Variants in FBN2 observed in about 807,000 individuals in gnomAD.
FBN2 encodes the protein fibrillin 2.
FBN2 carries 105 observed loss-of-function variants against 355.6 expected under a neutral mutation model. That is an observed-to-expected ratio of 0.30 (90% CI 0.25 to 0.35). The LOEUF (loss-of-function observed/expected upper bound fraction) is 0.35. FBN2 is among the 10% of genes least tolerant of loss of function. The probability of loss-of-function intolerance (pLI) is 1.00; values close to 1 mark genes in which losing one functional copy is unlikely to be tolerated. For missense variants in FBN2, 3,280 were observed against 3,758.7 expected (o/e 0.87, Z 3.33); for synonymous variants, 1,350 against 1,301.2 (o/e 1.04, Z -0.81).
intron 7 of FBN2, among the ~76,000 whole-genome samples, chr5:128,411,540 C>G (rs1753062611): frequency 6.6e-6 from 1 of 152,206 alleles, no homozygotes; most frequent in Non-Finnish European, 1.5e-5. Flanking sequence ...CAACCGTAGT[C>G]TCTGATGTCC....
intron 6 of FBN2, among the ~76,000 whole-genome samples, chr5:128,458,997 AT>A (rs1283682323): frequency 3.9e-5 from 6 of 152,150 alleles, no homozygotes; most frequent in African/African-American, 9.7e-5. Flanking sequence ...CCAAAAAAAA[AT>A]AAATGAATCC....
At chr5:128,459,962 A>G (rs1167597133) in intron 6 of FBN2, among the ~76,000 whole-genome samples, 1 of 152,228 alleles carries the variant, frequency 6.6e-6, no homozygotes, top group Non-Finnish European at 1.5e-5. Context: ...AGTTCTGACC[A>G]GGGCAATCAG....
intron 7 of FBN2, among the ~76,000 whole-genome samples, chr5:128,430,357 T>G (rs1017364943): frequency 1.2e-4 from 18 of 152,200 alleles, no homozygotes; most frequent in African/African-American, 4.1e-4. Flanking sequence ...TATTGTTCTA[T>G]TTAAAATTTA....
At chr5:128,312,294 A>G (rs1750077715) in intron 37 of FBN2, among the ~76,000 whole-genome samples, 1 of 152,244 alleles carries the variant, frequency 6.6e-6, no homozygotes, top group South Asian at 2.1e-4. Context: ...AATTGACTTC[A>G]AGAATACAAC....
intron 5 of FBN2, among the ~76,000 whole-genome samples, chr5:128,484,325 T>C (rs1403678749): frequency 1.3e-5 from 2 of 152,226 alleles, no homozygotes; most frequent in Non-Finnish European, 2.9e-5. Flanking sequence ...AAAGCTAAAA[T>C]GTTTTGTATA....
intron 5 of FBN2, among the ~76,000 whole-genome samples, chr5:128,502,949 C>G (rs1250071861): frequency 6.6e-6 from 1 of 152,126 alleles, no homozygotes; most frequent in African/African-American, 2.4e-5. Flanking sequence ...TAAAAACATA[C>G]CCTGACTATT....
At chr5:128,261,644 C>T in intron 64 of FBN2, 92 bp downstream of exon 64, 1 of 1,129,794 alleles carries the variant, frequency 8.9e-7, no homozygotes, top group Non-Finnish European at 1.3e-6. Context: ...GTATGATTAA[C>T]TTCAGTGAGG....
At chr5:128,515,648 C>A (rs1006311600) in intron 5 of FBN2, among the ~76,000 whole-genome samples, 1 of 152,146 alleles carries the variant, frequency 6.6e-6, no homozygotes, top group Admixed American at 6.5e-5. Context: ...TACATAAAGG[C>A]TTGAAAGTTT....
At chr5:128,284,488 C>G (rs1212198899) in intron 55 of FBN2, among the ~76,000 whole-genome samples, 1 of 152,208 alleles carries the variant, frequency 6.6e-6, no homozygotes, top group East Asian at 1.9e-4. Context: ...TTCAGCTACA[C>G]TGGTCTTGTG....
chr5:128,474,107 C>A (rs1754946989), intron 5 of FBN2, among the ~76,000 whole-genome samples: 2 of 152,122 alleles, frequency 1.3e-5, no homozygotes, highest in Non-Finnish European at 2.9e-5. Flanking sequence ...CGGGTGAAGG[C>A]CATCAAAGAT....
At chr5:128,260,289 A>T (rs1764932503) in intron 64 of FBN2, among the ~76,000 whole-genome samples, 1 of 151,744 alleles carries the variant, frequency 6.6e-6, no homozygotes, top group African/African-American at 2.4e-5. Context: ...CTGGGCTTTG[A>T]TTTGTAAGGT....
intron 4 of FBN2, among the ~76,000 whole-genome samples, chr5:128,521,414 C>T (rs1312462555): frequency 1.3e-5 from 2 of 152,006 alleles, no homozygotes; most frequent in African/African-American, 2.4e-5. Flanking sequence ...CTAATGCATG[C>T]GGGGCTTAAT....
At chr5:128,374,540 G>A in intron 15 of FBN2, 88 bp downstream of exon 15, 1 of 1,541,140 alleles carries the variant, frequency 6.5e-7, no homozygotes, top group Admixed American at 1.7e-5. Flanking sequence ...TTCTTATGGT[G>A]AATATTACTC....
intron 19 of FBN2, 29 bp from the exon 20 acceptor site, chr5:128,357,424 A>G (rs2126931567): frequency 6.2e-7 from 1 of 1,613,468 alleles, no homozygotes; most frequent in East Asian, 2.2e-5. Flanking sequence ...AGATTCTGTT[A>G]GAACTGCCAT....
chr5:128,301,576 C>T, intron 46 of FBN2, 66 bp from the exon 47 acceptor site: 1 of 1,497,176 alleles, frequency 6.7e-7, no homozygotes, highest in Non-Finnish European at 9.2e-7. Flanking sequence ...TCACAAGACG[C>T]TACTTAAAAA....
intron 25 of FBN2, among the ~76,000 whole-genome samples, chr5:128,341,993 G>C (rs1438367959): frequency 6.6e-6 from 1 of 152,112 alleles, no homozygotes; most frequent in Non-Finnish European, 1.5e-5. Context: ...GTCCCTAGTA[G>C]GATAAAGTAC....
At chr5:128,456,017 A>ACAAAAAC (rs1210536970) in intron 6 of FBN2, among the ~76,000 whole-genome samples, 1 of 148,104 alleles carries the variant, frequency 6.8e-6, no homozygotes, top group Non-Finnish European at 1.5e-5. Flanking sequence ...AAAAAAAAAA[A>ACAAAAAC]AAAAAAGCAA....
intron 4 of FBN2, among the ~76,000 whole-genome samples, chr5:128,526,024 T>A (rs571428114): frequency 8.6e-4 from 131 of 152,224 alleles, no homozygotes; most frequent in Non-Finnish European, 1.1e-3. Context: ...ACAAAAAAAG[T>A]TGACCTACCC....
rs578258680 is a variant in FBN2 at position 128,492,803 on chromosome 5, CAAAAAAAAAAAAAA to C, written c.628+26456_628+26469del. ...GAGCAACAAGAGCGAAACTCCATCTCAAAAAAAAAAAAAAAAAAAAAAAAAAGGGAAGAAAGAAA... is the reference window on the plus strand; with the variant it reads ...GAGCAACAAGAGCGAAACTCCATCTCAAAAAAAAAAAAGGGAAGAAAGAAA... On this transcript the variant is annotated intron_variant, in intron 5 of 64. Coordinates refer to ENST00000262464, the MANE Select transcript of FBN2 (RefSeq NM_001999.4). Among the ~76,000 whole-genome samples, 7 of 43,776 alleles carry C rather than the reference CAAAAAAAAAAAAAA, an allele frequency of 1.6e-4. No homozygotes were observed. In the East Asian group the frequency reaches 8.1e-3, roughly 50 times the overall value. 28.7% of individuals were successfully genotyped at this position (43,776 alleles called of 152,430 possible).
Sources: allele counts gnomAD v4.1 joint callset (sites outside exome capture counted in the v4.1 genomes callset), GRCh38; gene constraint gnomAD v4.1.1; transcripts MANE v1.5; gene names NCBI Gene and HGNC (gene_info 2026-07-23, HGNC 2026-07-21).